The following ATE1 variants were observed in gnomAD, a reference collection of about 807,000 sequenced individuals.
ATE1 encodes arginyltransferase 1.
Under a neutral mutation model 70.5 loss-of-function variants are expected in ATE1, and 36 were observed. That is an observed-to-expected ratio of 0.51 (90% CI 0.39 to 0.67). ATE1 has a LOEUF of 0.67. Ranked by LOEUF, ATE1 falls within the 30% of genes least tolerant of loss-of-function variation. The pLI is 0.00. For synonymous variants in ATE1, 232 were observed against 219.3 expected (o/e 1.06, Z -0.51); for missense variants, 593 against 629.5 (o/e 0.94, Z 0.62).
chr10:121,880,787 A>G (rs1441509064), intron 7 of ATE1, among the ~76,000 whole-genome samples: 2 of 152,172 alleles, frequency 1.3e-5, no homozygotes, highest in African/African-American at 4.8e-5. Flanking sequence ...ATGAATGACC[A>G]TAGTGAAAAT....
intron 11 of ATE1, among the ~76,000 whole-genome samples, chr10:121,780,879 C>T (rs1211223776): frequency 1.3e-5 from 2 of 152,200 alleles, no homozygotes; most frequent in African/African-American, 4.8e-5. Flanking sequence ...TGCTACTTGT[C>T]ACACTTATCT....
chr10:121,744,538 C>CAGATAA (rs1944270478), intron 11 of ATE1, among the ~76,000 whole-genome samples: 3 of 152,174 alleles, frequency 2.0e-5, no homozygotes, highest in African/African-American at 7.2e-5. Context: ...TTGCCTCTCC[C>CAGATAA]TGTACCAACA....
At chr10:121,829,004 TTA>T (rs199671285) in intron 10 of ATE1, among the ~76,000 whole-genome samples, 1,665 of 152,286 alleles carry the variant, frequency 0.011, 31 homozygotes, top group African/African-American at 0.038. Flanking sequence ...TATATTGTAA[TTA>T]CCTATGTCCT....
At chr10:121,843,717 T>C (rs1948714042) in intron 8 of ATE1, among the ~76,000 whole-genome samples, 3 of 151,036 alleles carry the variant, frequency 2.0e-5, no homozygotes, top group Admixed American at 6.6e-5. Context: ...AACAACCAGA[T>C]ATCCATACGC....
chr10:121,818,572 A>G (rs1947657060), intron 10 of ATE1, among the ~76,000 whole-genome samples: 1 of 152,224 alleles, frequency 6.6e-6, no homozygotes, highest in Non-Finnish European at 1.5e-5. Flanking sequence ...GAGCAAGTCC[A>G]TGGTTATTTG....
chr10:121,924,425 G>C, intron 1 of ATE1, 96 bp from the exon 2 acceptor site: 2 of 1,184,518 alleles, frequency 1.7e-6, no homozygotes, highest in Non-Finnish European at 2.5e-6. Flanking sequence ...GTGTGTCCGG[G>C]CACGGTGGCT....
intron 8 of ATE1, among the ~76,000 whole-genome samples, chr10:121,854,279 T>G (rs1179639178): frequency 6.6e-6 from 1 of 152,220 alleles, no homozygotes; most frequent in East Asian, 1.9e-4. Flanking sequence ...CATGCATATA[T>G]CTTAATATCT....
At chr10:121,847,483 A>G (rs920312343) in intron 8 of ATE1, among the ~76,000 whole-genome samples, 1 of 150,434 alleles carries the variant, frequency 6.6e-6, no homozygotes, top group African/African-American at 2.5e-5. Flanking sequence ...GTGAAAGGCC[A>G]GGCGCGGTAG....
intron 8 of ATE1, chr10:121,846,694 G>A (rs1021705297): frequency 6.9e-6 from 1 of 144,636 alleles, no homozygotes; most frequent in African/African-American, 2.7e-5. Context: ...CATTTGACTA[G>A]CCTGCCTAAA....
intron 11 of ATE1, among the ~76,000 whole-genome samples, chr10:121,748,814 C>T (rs1026752094): frequency 1.3e-5 from 2 of 151,766 alleles, no homozygotes; most frequent in Non-Finnish European, 2.9e-5. Context: ...TTTTAAAATC[C>T]TCTCATTCTC....
intron 11 of ATE1, among the ~76,000 whole-genome samples, chr10:121,786,533 G>C (rs1453178039): frequency 6.6e-6 from 1 of 151,888 alleles, no homozygotes; most frequent in African/African-American, 2.4e-5. Flanking sequence ...GCCAGGCATG[G>C]TGATGTGCAC....
At chr10:121,876,762 C>T (rs1451825461) in intron 7 of ATE1, among the ~76,000 whole-genome samples, 2 of 152,008 alleles carry the variant, frequency 1.3e-5, no homozygotes, top group Admixed American at 1.3e-4. Context: ...GTCAGCAGAT[C>T]GAGACCATCC....
At chr10:121,839,252 C>T (rs993366463) in intron 9 of ATE1, among the ~76,000 whole-genome samples, 6 of 152,144 alleles carry the variant, frequency 3.9e-5, no homozygotes, top group African/African-American at 1.4e-4. Context: ...AGAACTCTTG[C>T]TAATTTTGCT....
rs757018774 is a variant in ATE1 at position 121,927,954 on chromosome 10, T to TCGGCCCCGCGAACGCTCAGCCGCC, written c.-29_-6dup. 9.8e-6 allele frequency: 15 copies of TCGGCCCCGCGAACGCTCAGCCGCC among 1,534,348 alleles called. No homozygotes were observed. Among genetic ancestry groups the TCGGCCCCGCGAACGCTCAGCCGCC allele is most frequent in the South Asian group, 4.9e-5 (4 of 82,302 alleles). On this transcript the variant is annotated 5_prime_UTR_variant, in exon 1 of 12. Coordinates refer to ENST00000224652, the MANE Select transcript of ATE1 (RefSeq NM_001001976.3). ...ACCCCCCGCCCAGAAAGCCATGGCC[T>TCGGCCCCGCGAACGCTCAGCCGCC]CGGCCCCGCGAACGCTCAGCCGCCC...
rs144075880 is a variant in ATE1 at position 121,857,532 on chromosome 10, T to A, written c.975+12474A>T. Among the ~76,000 whole-genome samples the A allele has an allele frequency of 6.6e-5, 10 of 152,326 alleles. 1 individual carries two copies. In the East Asian group the frequency reaches 1.9e-3, roughly 29 times the overall value. On this transcript the variant is annotated intron_variant, in intron 8 of 11. Transcript: ENST00000224652. ...CTTTGATGGGCTAGTTCAGCCACTGTGGAAAGCAGTGTAGAGATTTCTCAA... is the reference window on the plus strand; with the variant it reads ...CTTTGATGGGCTAGTTCAGCCACTGAGGAAAGCAGTGTAGAGATTTCTCAA...
At chr10:121,863,088 C>G (rs1029140047) in intron 8 of ATE1, among the ~76,000 whole-genome samples, 1 of 152,108 alleles carries the variant, frequency 6.6e-6, no homozygotes, top group Non-Finnish European at 1.5e-5. Flanking sequence ...CTGAAGTCCC[C>G]AACTACTACA....
At chr10:121,751,280 T>C (rs1245089907) in intron 11 of ATE1, among the ~76,000 whole-genome samples, 2 of 152,256 alleles carry the variant, frequency 1.3e-5, no homozygotes, top group South Asian at 2.1e-4. Flanking sequence ...ATAATTTACA[T>C]ACCATGTAAT....
At chr10:121,839,354 T>C (rs1346097097) in intron 9 of ATE1, among the ~76,000 whole-genome samples, 2 of 152,196 alleles carry the variant, frequency 1.3e-5, no homozygotes, top group Non-Finnish European at 2.9e-5. Context: ...GCTTATTATG[T>C]AGAAATAAAT....
At chr10:121,916,563 C>T (rs537726599) in intron 3 of ATE1, among the ~76,000 whole-genome samples, 2 of 152,036 alleles carry the variant, frequency 1.3e-5, no homozygotes, top group Non-Finnish European at 2.9e-5. Context: ...AGGCCGGGCG[C>T]GGTGGCTCAC....
Sources: allele counts gnomAD v4.1 joint callset (sites outside exome capture counted in the v4.1 genomes callset), GRCh38; gene constraint gnomAD v4.1.1; transcripts MANE v1.5; gene names NCBI Gene and HGNC (gene_info 2026-07-23, HGNC 2026-07-21).